The following CELF2 variants were observed in gnomAD, a reference collection of about 807,000 sequenced individuals.
The protein encoded by CELF2 is CUGBP Elav-like family member 2.
A neutral mutation model predicts 62.6 loss-of-function variants in CELF2; 8 were observed. The observed-to-expected ratio is 0.13, with a 90% CI of 0.07 to 0.23. CELF2 has a LOEUF of 0.23. Ranked by LOEUF, CELF2 falls within the 10% of genes least tolerant of loss-of-function variation. The pLI is 1.00. For missense variants in CELF2, 333 were observed against 671.0 expected (o/e 0.50, Z 5.56); for synonymous variants, 258 against 250.0 (o/e 1.03, Z -0.30).
Position 11,124,325 on chromosome 10 carries a change from C to A in CELF2, c.75-41161C>A, listed in dbSNP as rs181847431. Reference sequence around the variant, plus strand: ...AGTCGCTCTTATTATTCTTATATGACCTTCCTATGAAATGAGATGGGTTCC... The same window carrying A: ...AGTCGCTCTTATTATTCTTATATGAACTTCCTATGAAATGAGATGGGTTCC... On this transcript the variant is annotated intron_variant, in intron 1 of 12. Coordinates refer to ENST00000633077, the MANE Select transcript of CELF2 (RefSeq NM_001326342.2). Among the ~76,000 whole-genome samples the A allele has an allele frequency of 3.1e-3, 469 of 152,166 alleles. 3 individuals carry two copies. Among genetic ancestry groups the A allele is most frequent in the Non-Finnish European group, 3.1e-3 (213 of 68,010 alleles).
intron 2 of CELF2, among the ~76,000 whole-genome samples, chr10:10,977,366 A>G (rs1307810799): frequency 6.6e-6 from 1 of 152,236 alleles, no homozygotes; most frequent in Non-Finnish European, 1.5e-5. Flanking sequence ...ATCAGCAAGA[A>G]GTATCTTTAG....
chr10:11,148,091 G>C lies in CELF2; in HGVS notation c.75-17395G>C, dbSNP rs527289229. The stretch of plus-strand genomic sequence containing the variant: ...CAGCCATGAAAGTGACCCCAGTCCG[G>C]CAAGAAGAACGTGGCTTGATAAGGA... On this transcript the variant is annotated intron_variant, in intron 1 of 12. Coordinates refer to ENST00000633077, the MANE Select transcript of CELF2 (RefSeq NM_001326342.2). Among the ~76,000 whole-genome samples, 7 of 152,376 alleles carry C rather than the reference G, an allele frequency of 4.6e-5. No individual in the cohort carries two copies. In the South Asian group the frequency reaches 1.4e-3, roughly 32 times the overall value.
the CELF2 span, among the ~76,000 whole-genome samples, chr10:10,738,090 T>C: frequency 6.6e-6 from 1 of 152,164 alleles, no homozygotes; most frequent in East Asian, 1.9e-4. Flanking sequence ...GGGGGTCCAT[T>C]TGACACTACA....
intron 2 of CELF2, among the ~76,000 whole-genome samples, chr10:11,197,015 A>AGAAG (rs1565229849): frequency 1.6e-4 from 2 of 12,504 alleles, no homozygotes; most frequent in African/African-American, 1.0e-3. Context: ...AAAGAAAGAA[A>AGAAG]GAAAGAAAGA....
chr10:10,637,238 G>A, the CELF2 span, among the ~76,000 whole-genome samples: 1 of 152,132 alleles, frequency 6.6e-6, no homozygotes, highest in South Asian at 2.1e-4. Context: ...CATCCTGAAG[G>A]GATTTACTAT....
At chr10:10,848,109 G>A (rs556905674) in intron 1 of CELF2, among the ~76,000 whole-genome samples, 9 of 152,190 alleles carry the variant, frequency 5.9e-5, no homozygotes, top group Admixed American at 3.9e-4. Context: ...GTGCATATCA[G>A]TTCAGACTAA....
At chr10:10,843,717 C>T (rs1395256626) in intron 1 of CELF2, among the ~76,000 whole-genome samples, 1 of 151,900 alleles carries the variant, frequency 6.6e-6, no homozygotes, top group Non-Finnish European at 1.5e-5. Flanking sequence ...ATATCCTTAT[C>T]GATTTTATGC....
chr10:10,581,917 A>G, the CELF2 span, among the ~76,000 whole-genome samples: 1 of 152,036 alleles, frequency 6.6e-6, no homozygotes, highest in African/African-American at 2.4e-5. Flanking sequence ...AATCCCAGCT[A>G]CTCAGGAAGC....
intron 1 of CELF2, among the ~76,000 whole-genome samples, chr10:11,087,865 GAGA>G (rs1287871010): frequency 6.6e-5 from 10 of 152,168 alleles, no homozygotes; most frequent in Admixed American, 6.5e-4. Context: ...ACTTCCAAAG[GAGA>G]AGGAGGGCCG....
chr10:10,890,665 T>C (rs1044016038), intron 1 of CELF2, among the ~76,000 whole-genome samples: 1 of 152,204 alleles, frequency 6.6e-6, no homozygotes, highest in African/African-American at 2.4e-5. Flanking sequence ...TCCACATCCA[T>C]GCGCAAAGTG....
chr10:10,582,445 A>G, the CELF2 span, among the ~76,000 whole-genome samples: 3 of 152,200 alleles, frequency 2.0e-5, no homozygotes, highest in African/African-American at 7.2e-5. Flanking sequence ...TATATAAGTT[A>G]AGGATAAGAA....
At chr10:10,854,660 C>G (rs2059597820) in intron 1 of CELF2, among the ~76,000 whole-genome samples, 1 of 152,114 alleles carries the variant, frequency 6.6e-6, no homozygotes, top group South Asian at 2.1e-4. Context: ...TGCTGCCTCT[C>G]CAGTGCACAG....
upstream of CELF2, among the ~76,000 whole-genome samples, chr10:11,014,037 A>G (rs946489996): frequency 6.6e-6 from 1 of 152,214 alleles, no homozygotes. Context: ...ATGATGGGAA[A>G]TCCCCTCACA....
At chr10:11,262,049 C>T (rs2080815491) in intron 5 of CELF2, among the ~76,000 whole-genome samples, 1 of 152,136 alleles carries the variant, frequency 6.6e-6, no homozygotes, top group South Asian at 2.1e-4. Context: ...TTTTTTTCCC[C>T]CCACAAACTG....
At chr10:11,072,874 C>T (rs897034445) in intron 1 of CELF2, among the ~76,000 whole-genome samples, 4 of 151,670 alleles carry the variant, frequency 2.6e-5, no homozygotes, top group African/African-American at 9.7e-5. Flanking sequence ...AAGCAGATAT[C>T]CCTGAAACAT....
intron 2 of CELF2, among the ~76,000 whole-genome samples, chr10:11,186,295 G>C (rs1475283980): frequency 1.1e-5 from 1 of 87,428 alleles, no homozygotes. Context: ...TGGTTTTGTT[G>C]CTTTTTTTTT....
chr10:10,963,406 T>G (rs923116363), intron 2 of CELF2, among the ~76,000 whole-genome samples: 6 of 152,166 alleles, frequency 3.9e-5, no homozygotes, highest in Non-Finnish European at 7.3e-5. Context: ...TATTTCACAC[T>G]TGAGGCTGTC....
At chr10:10,673,135 T>C in the CELF2 span, among the ~76,000 whole-genome samples, 1 of 152,158 alleles carries the variant, frequency 6.6e-6, no homozygotes, top group East Asian at 1.9e-4. Flanking sequence ...TCACTTTATA[T>C]AACTTTACCA....
rs202130960 is a variant in CELF2 at position 11,201,337 on chromosome 10, G to C, written c.272-16088G>C. ...ACACAGAACCCTTATGGATATTGGT[G>C]GGTGGCTTTCCTCCATGTGGTGATG... On this transcript the variant is annotated intron_variant, in intron 2 of 12. Coordinates refer to ENST00000633077, the MANE Select transcript of CELF2 (RefSeq NM_001326342.2). Among the ~76,000 whole-genome samples, 5 of 152,168 alleles carry C rather than the reference G, an allele frequency of 3.3e-5. No individual in the cohort carries two copies. The East Asian group carries it at 9.6e-4, about 29-fold the overall frequency.
Sources: allele counts gnomAD v4.1 joint callset (sites outside exome capture counted in the v4.1 genomes callset), GRCh38; gene constraint gnomAD v4.1.1; transcripts MANE v1.5; gene names NCBI Gene and HGNC (gene_info 2026-07-23, HGNC 2026-07-21).